WDR35: variants seen among roughly 807,000 people sequenced by gnomAD.
The protein encoded by WDR35 is WD repeat domain 35.
A neutral mutation model predicts 158.3 loss-of-function variants in WDR35; 118 were observed. The observed-to-expected ratio is 0.75, with a 90% CI of 0.64 to 0.87. WDR35 has a LOEUF of 0.87. Among genes scored for constraint, WDR35 ranks in the 40% least tolerant of loss-of-function variants. The pLI, the probability that WDR35 is intolerant of heterozygous loss-of-function variation, is 0.00. For synonymous variants in WDR35, 448 were observed against 476.1 expected (o/e 0.94, Z 0.77); for missense variants, 1,263 against 1,405.8 (o/e 0.90, Z 1.62).
rs1438516028 is a variant in WDR35 at position 19,936,089 on chromosome 2, TCTAGAG to T, written c.2414+124_2414+129del. ...AGGATCTCCGGCTTTCCAAGATGAA[TCTAGAG>T]CTATCTGAATTTTAGAATTCAAGAA... On this transcript the variant is annotated intron_variant, in intron 20 of 26. Transcript: ENST00000281405. The T allele has an allele frequency of 5.0e-5, 71 of 1,426,556 alleles. No homozygotes were observed. The Admixed American group carries it at 1.4e-3, about 28-fold the overall frequency. 88.4% of individuals were successfully genotyped at this position (1,426,556 alleles called of 1,614,324 possible).
At chr2:19,924,631 T>C (rs777110392) in intron 25 of WDR35, among the ~76,000 whole-genome samples, 3 of 152,166 alleles carry the variant, frequency 2.0e-5, no homozygotes, top group Non-Finnish European at 4.4e-5. Context: ...CTTTTGACAA[T>C]GCTAATCCTG....
chr2:19,926,974 C>T lies in WDR35; in HGVS notation c.3121+3422G>A, dbSNP rs370837016. On this transcript the variant is annotated intron_variant, in intron 25 of 26. Transcript: ENST00000281405. ...GACCCCAGCTGTCGCAAGCAACACCCGTTGAACACAGTCAACTAACTGGGG... is the reference window on the plus strand; with the variant it reads ...GACCCCAGCTGTCGCAAGCAACACCTGTTGAACACAGTCAACTAACTGGGG... Among the ~76,000 whole-genome samples, 12 of 152,112 alleles carry T rather than the reference C, an allele frequency of 7.9e-5. No individual in the cohort carries two copies. In the East Asian group the frequency reaches 1.3e-3, roughly 17 times the overall value.
intron 3 of WDR35, among the ~76,000 whole-genome samples, chr2:19,981,154 T>A (rs1389831716): frequency 1.3e-5 from 2 of 152,146 alleles, no homozygotes; most frequent in Non-Finnish European, 2.9e-5. Context: ...TAGGGGACTT[T>A]TATCATTTTT....
At chr2:19,970,111 GAATTC>G (rs1671991279) in intron 8 of WDR35, among the ~76,000 whole-genome samples, 1 of 152,024 alleles carries the variant, frequency 6.6e-6, no homozygotes, top group Non-Finnish European at 1.5e-5. Context: ...TATATCCAAA[GAATTC>G]AATAGCAAAT....
At chr2:19,942,281 T>TA (rs1670905177) in intron 16 of WDR35, among the ~76,000 whole-genome samples, 1 of 152,202 alleles carries the variant, frequency 6.6e-6, no homozygotes, top group Admixed American at 6.5e-5. Flanking sequence ...ATAAAGCTGA[T>TA]AAACACTATA....
At chr2:19,968,968 A>G (rs1472986938) in intron 9 of WDR35, among the ~76,000 whole-genome samples, 3 of 152,192 alleles carry the variant, frequency 2.0e-5, no homozygotes, top group Non-Finnish European at 4.4e-5. Context: ...GGTTTGGCCA[A>G]TAGAAAGCAC....
chr2:19,932,900 T>G (rs1670567733), intron 22 of WDR35, among the ~76,000 whole-genome samples: 1 of 152,074 alleles, frequency 6.6e-6, no homozygotes. Context: ...TAGTCAATAG[T>G]TTCTATAATA....
Position 19,989,208 on chromosome 2 carries a change from A to C in WDR35, c.99T>G (p.Gly33=), listed in dbSNP as rs1319872402. Residue 33 remains glycine (G), a synonymous_variant, in exon 2 of 27, where the codon GGT becomes GGG. Coordinates refer to ENST00000281405, the MANE Select transcript of WDR35 (RefSeq NM_020779.4). ...NKEQGFIACG[G]EDGLLKVLKL... ...TCAAAACTTTCAGTAATCCATCTTC[A>C]CCACCGCATGCTATGAACCCTTGTT... 1 of 1,614,174 alleles carries C rather than the reference A, an allele frequency of 6.2e-7. No homozygotes were observed. The highest frequency in any genetic ancestry group is 1.1e-5 in the South Asian group (1 of 91,090).
chr2:19,940,005 A>C (rs1670819528), intron 17 of WDR35, among the ~76,000 whole-genome samples: 1 of 151,838 alleles, frequency 6.6e-6, no homozygotes. Context: ...AAAAAAAGAA[A>C]TAAATAAATA....
At chr2:19,989,384 C>T in intron 1 of WDR35, 102 bp from the exon 2 acceptor site, 1 of 1,089,876 alleles carries the variant, frequency 9.2e-7, no homozygotes, top group Admixed American at 1.7e-5. Flanking sequence ...AGAAGAAAAA[C>T]GAACGGCCTT....
chr2:19,985,702 G>A (rs1267834243), intron 2 of WDR35, among the ~76,000 whole-genome samples: 7 of 149,716 alleles, frequency 4.7e-5, no homozygotes, highest in Non-Finnish European at 7.4e-5. Context: ...TGGCTAACAC[G>A]GTGAAACCCC....
chr2:19,929,062 C>G (rs963112802), intron 25 of WDR35, among the ~76,000 whole-genome samples: 9 of 152,196 alleles, frequency 5.9e-5, no homozygotes, highest in Admixed American at 5.9e-4. Flanking sequence ...CCGCCTCAGC[C>G]TCCCAAAGTG....
intron 2 of WDR35, 87 bp downstream of exon 2, chr2:19,989,078 C>T: frequency 8.9e-7 from 1 of 1,127,796 alleles, no homozygotes; most frequent in African/African-American, 1.5e-5. Context: ...ATCAGAACTG[C>T]ATATTGACAG....
chr2:19,935,643 G>C, intron 20 of WDR35, 40 bp from the exon 21 acceptor site: 1 of 1,600,932 alleles, frequency 6.2e-7, no homozygotes, highest in Non-Finnish European at 8.5e-7. Context: ...AAACTAATGT[G>C]AATCTCCTGA....
Position 19,941,843 on chromosome 2 carries a change from T to C in WDR35, c.1846-4A>G. ...ATCCAGAGGTCTGAATGGGTTCCTT[T>C]AAAGACAAAAAAAAAGTTATGTTTC... On this transcript the variant is annotated splice_polypyrimidine_tract_variant and splice_region_variant and intron_variant, in intron 16 of 26. Coordinates refer to ENST00000281405, the MANE Select transcript of WDR35 (RefSeq NM_020779.4). 6.4e-7 allele frequency: 1 copy of C among 1,558,640 alleles called. No individual in the cohort carries two copies. Among genetic ancestry groups the C allele is most frequent in the Non-Finnish European group, 8.8e-7 (1 of 1,142,532 alleles).
chr2:19,984,898 T>C (rs184807374), intron 2 of WDR35, among the ~76,000 whole-genome samples: 4 of 152,308 alleles, frequency 2.6e-5, no homozygotes, highest in Admixed American at 2.0e-4. Context: ...ATAAGGATAA[T>C]ACAATTCTGA....
rs1671792181 is a variant in WDR35 at position 19,964,716 on chromosome 2, T to A, written c.1194+2008A>T. ...TTCCCGGACTGGTCCTCTAATTTTA[T>A]CTTTTCACCCCTATTTTCCATTTCC... On this transcript the variant is annotated intron_variant, in intron 10 of 26. Transcript: ENST00000281405. 2.6e-5 allele frequency among the ~76,000 whole-genome samples: 4 copies of A among 152,278 alleles called. No homozygotes were observed. In the South Asian group the frequency reaches 8.3e-4, roughly 32 times the overall value.
intron 2 of WDR35, among the ~76,000 whole-genome samples, chr2:19,984,048 T>TAC (rs1246063022): frequency 4.7e-5 from 1 of 21,124 alleles, no homozygotes; most frequent in African/African-American, 2.4e-4. Flanking sequence ...TATACATATA[T>TAC]ACACACACCC....
chr2:19,989,814 G>A (rs1045835863), intron 1 of WDR35, among the ~76,000 whole-genome samples, 178 bp downstream of exon 1: 32 of 152,186 alleles, frequency 2.1e-4, no homozygotes, highest in Non-Finnish European at 4.6e-4. Context: ...GCCAAAGACT[G>A]AGGCTCTGGG....
Sources: allele counts gnomAD v4.1 joint callset (sites outside exome capture counted in the v4.1 genomes callset), GRCh38; gene constraint gnomAD v4.1.1; transcripts MANE v1.5; gene names NCBI Gene and HGNC (gene_info 2026-07-23, HGNC 2026-07-21).